Variants in OBP2A observed in about 807,000 individuals in gnomAD.
OBP2A encodes odorant-binding protein 2a.
A neutral mutation model predicts 21.9 loss-of-function variants in OBP2A; 15 were observed. The ratio of observed to expected loss-of-function variants is 0.69; its 90% CI spans 0.46 to 1.06. The LOEUF (loss-of-function observed/expected upper bound fraction) is 1.06. OBP2A is among the 50% of genes least tolerant of loss of function. OBP2A has a pLI of 0.00. For missense variants in OBP2A, 192 were observed against 220.1 expected (o/e 0.87, Z 0.81); for synonymous variants, 86 against 91.8 (o/e 0.94, Z 0.36).
chr9:135,549,468 T>G, intron 6 of OBP2A, 137 bp downstream of exon 6: 1 of 860,398 alleles, frequency 1.2e-6, no homozygotes, highest in Non-Finnish European at 1.7e-6. Context: ...GGTTGGCACC[T>G]CAGAGTCTGC....
At chr9:135,548,023 T>C (rs745652365) in intron 4 of OBP2A, 42 bp downstream of exon 4, 29 of 1,420,176 alleles carry the variant, frequency 2.0e-5, no homozygotes, top group Non-Finnish European at 2.6e-5. Flanking sequence ...CCCCATGGTC[T>C]CTGCCTCCAG....
Position 135,546,257 on chromosome 9 carries a change from G to C in OBP2A, c.72+5G>C. On this transcript the variant is annotated splice_donor_5th_base_variant and intron_variant, in intron 1 of 6. Transcript: ENST00000371776. ...TTCACCCTGGAGGAGGAGGATGTGA[G>C]CTGGGTTGGCGTGGGCGGATGGAGG... The C allele has an allele frequency of 6.7e-7, 1 of 1,501,044 alleles. No homozygotes were observed. The highest frequency in any genetic ancestry group is 9.2e-7 in the Non-Finnish European group (1 of 1,092,750). The allele number at this position is 1,501,044 out of a possible 1,614,324, so 93.0% of individuals were successfully genotyped here.
intron 2 of OBP2A, 106 bp from the exon 3 acceptor site, chr9:135,547,072 G>A: frequency 6.8e-7 from 1 of 1,475,592 alleles, no homozygotes; most frequent in Non-Finnish European, 9.4e-7. Flanking sequence ...GGGGTGGGGG[G>A]GCAGTGGAAT....
At chr9:135,548,104 G>A in intron 4 of OBP2A, 123 bp downstream of exon 4, 1 of 681,568 alleles carries the variant, frequency 1.5e-6, no homozygotes, top group Non-Finnish European at 2.4e-6. Flanking sequence ...CGGCCTTCGT[G>A]TGCTAGGCAC....
Position 135,547,796 on chromosome 9 carries a change from T to C in OBP2A, c.278-75T>C, listed in dbSNP as rs1831982354. ...GGGTGACCACTGAAACATTCCTGAGTGTTTCTTCGTGTGGTCCTGAGTGCT... is the reference window on the plus strand; with the variant it reads ...GGGTGACCACTGAAACATTCCTGAGCGTTTCTTCGTGTGGTCCTGAGTGCT... On this transcript the variant is annotated intron_variant, in intron 3 of 6. Coordinates refer to ENST00000371776, the MANE Select transcript of OBP2A (RefSeq NM_014582.3). The C allele has an allele frequency of 3.5e-6, 4 of 1,131,738 alleles. No homozygotes were observed. The South Asian group carries it at 4.5e-5, about 13-fold the overall frequency. The allele number at this position is 1,131,738 out of a possible 1,614,324, so 70.1% of individuals were successfully genotyped here.
intron 3 of OBP2A, 38 bp downstream of exon 3, chr9:135,547,286 C>G (rs1314241421): frequency 2.5e-6 from 4 of 1,600,158 alleles, no homozygotes; most frequent in Non-Finnish European, 3.4e-6. Flanking sequence ...CCATGCCCAA[C>G]CCCGGATGCA....
chr9:135,546,235 A>G lies in OBP2A; in HGVS notation c.55A>G (p.Thr19Ala). Residue 19 changes from threonine (T) to alanine (A), a missense_variant, in exon 1 of 7, where the codon ACC becomes GCC. Thr to Ala is a moderately conservative substitution (Grantham distance 58, BLOSUM62 0). Coordinates refer to ENST00000371776, the MANE Select transcript of OBP2A (RefSeq NM_014582.3). ...CGGCCTGGCCGCTGCCCTGTCCTTC[A>G]CCCTGGAGGAGGAGGATGTGAGCTG... ...TLGLAAALSF[T>A]LEEEDITGTW... 1.3e-6 allele frequency: 2 copies of G among 1,512,856 alleles called. No individual in the cohort carries two copies. Among genetic ancestry groups the G allele is most frequent in the Non-Finnish European group, 9.1e-7 (1 of 1,104,150 alleles). The allele number at this position is 1,512,856 out of a possible 1,614,324, so 93.7% of individuals were successfully genotyped here.
At chr9:135,548,172 G>A (rs1832002277) in intron 4 of OBP2A, among the ~76,000 whole-genome samples, 191 bp downstream of exon 4, 1 of 152,230 alleles carries the variant, frequency 6.6e-6, no homozygotes, top group African/African-American at 2.4e-5. Context: ...GGTGGGCCAG[G>A]CAGGGACAGA....
intron 2 of OBP2A, 46 bp downstream of exon 2, chr9:135,546,957 C>T (rs757554045): frequency 3.6e-5 from 58 of 1,605,496 alleles, no homozygotes; most frequent in African/African-American, 6.7e-5. Flanking sequence ...TTTCGCTCCC[C>T]GCCCCAGACC....
intron 6 of OBP2A, 120 bp from the exon 7 acceptor site, chr9:135,549,717 G>T (rs1049465106): frequency 4.8e-4 from 316 of 657,560 alleles, no homozygotes; most frequent in Non-Finnish European, 7.0e-4. Flanking sequence ...CTGCTCTGGA[G>T]CCCCGAGGCT....
At chr9:135,547,547 G>A (rs1376032866) in intron 3 of OBP2A, among the ~76,000 whole-genome samples, 1 of 152,256 alleles carries the variant, frequency 6.6e-6, no homozygotes, top group Admixed American at 6.5e-5. Context: ...GGGATGGGAA[G>A]CCAAGGCTGA....
In OBP2A at chr9:135,547,420, A is replaced by G. The variant is rs564346187; in HGVS notation, c.277+172A>G. 2.4e-3 allele frequency among the ~76,000 whole-genome samples: 367 copies of G among 152,264 alleles called. 3 individuals carry two copies. Among genetic ancestry groups the G allele is most frequent in the African/African-American group, 8.2e-3 (339 of 41,542 alleles). Reference sequence around the variant, plus strand: ...GCTGGTGGCCCTGACATCAGACACCAGGTGTGACAGGCTTGTCCACAGTAG... The same window carrying G: ...GCTGGTGGCCCTGACATCAGACACCGGGTGTGACAGGCTTGTCCACAGTAG... On this transcript the variant is annotated intron_variant, in intron 3 of 6. Coordinates refer to ENST00000371776, the MANE Select transcript of OBP2A (RefSeq NM_014582.3).
At chr9:135,549,362 A>G (rs1361383624) in intron 6 of OBP2A, 31 bp downstream of exon 6, 4 of 1,481,382 alleles carry the variant, frequency 2.7e-6, no homozygotes, top group Non-Finnish European at 3.7e-6. Flanking sequence ...GCACTGGACA[A>G]GCCCAGAGTC....
intron 4 of OBP2A, among the ~76,000 whole-genome samples, chr9:135,548,353 G>T (rs1832009200): frequency 6.6e-6 from 1 of 152,136 alleles, no homozygotes; most frequent in Middle Eastern, 3.2e-3. Flanking sequence ...CCAGGTGAGG[G>T]TTATGACCCT....
At chr9:135,547,121 T>A (rs1214901653) in intron 2 of OBP2A, 57 bp from the exon 3 acceptor site, 31 of 1,520,322 alleles carry the variant, frequency 2.0e-5, no homozygotes, top group Non-Finnish European at 2.8e-5. Context: ...CCAGGTGAGC[T>A]GAGGATGGGC....
At chr9:135,546,625 G>A (rs925823201) in intron 1 of OBP2A, among the ~76,000 whole-genome samples, 153 bp from the exon 2 acceptor site, 2 of 152,132 alleles carry the variant, frequency 1.3e-5, no homozygotes, top group African/African-American at 2.4e-5. Flanking sequence ...ACTCACTCCA[G>A]CTGAGCTCTA....
Position 135,547,125 on chromosome 9 carries a change from G to C in OBP2A, c.207-53G>C, listed in dbSNP as rs532869593. ...AGGGCCATGCACCAGGTGAGCTGAG[G>C]ATGGGCCAGGTGTGTCCTGGGAGCC... On this transcript the variant is annotated intron_variant, in intron 2 of 6. Transcript: ENST00000371776. 1,120 of 1,521,858 alleles carry C rather than the reference G, an allele frequency of 7.4e-4. 15 individuals are homozygous for C. In the African/African-American group the frequency reaches 0.014, roughly 18 times the overall value. The allele number at this position is 1,521,858 out of a possible 1,614,324, so 94.3% of individuals were successfully genotyped here. A position where few individuals can be genotyped will look rare whatever the true frequency, so the allele number is the denominator to read the frequency against.
Position 135,547,874 on chromosome 9 carries a change from G to A in OBP2A, c.281G>A (p.Gly94Glu), listed in dbSNP as rs956170548. 3 of 1,607,420 alleles carry A rather than the reference G, an allele frequency of 1.9e-6. No individual in the cohort carries two copies. The highest frequency in any genetic ancestry group is 2.7e-5 in the African/African-American group (2 of 74,602). The change falls in exon 4 of 7, where the codon GGG (glycine) becomes GAG (glutamate). Residue 94 changes from glycine to glutamate, a missense_variant. Transcript: ENST00000371776. ...CCATCTTCTCTGTCATCTACAGATG[G>A]GGGCAGGAAGCTCATATACCTGCAG... ...TEEPGKFSAY[G>E]GRKLIYLQEL...
Position 135,547,677 on chromosome 9 carries a change from G to A in OBP2A, c.278-194G>A, listed in dbSNP as rs534582343. ...CTCTGGCCTTGTGGCTCCATTACTTGCATTGGGACCTTCCGAGAGGAGGCT... is the reference window on the plus strand; with the variant it reads ...CTCTGGCCTTGTGGCTCCATTACTTACATTGGGACCTTCCGAGAGGAGGCT... On this transcript the variant is annotated intron_variant, in intron 3 of 6. Coordinates refer to ENST00000371776, the MANE Select transcript of OBP2A (RefSeq NM_014582.3). 5.3e-5 allele frequency among the ~76,000 whole-genome samples: 8 copies of A among 152,332 alleles called. No homozygotes were observed. The East Asian group carries it at 1.4e-3, about 26-fold the overall frequency.
Sources: gnomAD v4.1 joint callset for allele counts (sites outside exome capture counted in the v4.1 genomes callset) on GRCh38, gnomAD v4.1.1 for gene constraint, MANE v1.5 for transcripts, NCBI Gene and HGNC (gene_info 2026-07-23, HGNC 2026-07-21) for gene names.